Variants in C4orf54 observed in about 807,000 individuals in gnomAD.
C4orf54 encodes uncharacterized protein C4orf54.
In C4orf54, 67 loss-of-function variants were observed where a neutral mutation model predicts 80.1. The observed-to-expected ratio is 0.84, with a 90% CI of 0.69 to 1.03. The LOEUF is 1.03. Among genes scored for constraint, C4orf54 ranks in the 50% least tolerant of loss-of-function variants. The probability of loss-of-function intolerance (pLI) is 0.00; values close to 1 mark genes in which losing one functional copy is unlikely to be tolerated. For synonymous variants in C4orf54, 1,000 were observed against 917.0 expected, an observed-to-expected ratio of 1.09 and a Z score of -1.64; for missense variants, 2,434 against 2,253.5, an observed-to-expected ratio of 1.08 and a Z score of -1.62.
At chr4:99,656,572 C>G (rs1726984189) in intron 1 of C4orf54, among the ~76,000 whole-genome samples, 1 of 152,190 alleles carries the variant, frequency 6.6e-6, no homozygotes. Flanking sequence ...AGCCACAATG[C>G]CCAGCTCTTA....
chr4:99,649,712 AC>A lies in C4orf54; in HGVS notation c.4936del (p.Val1646CysfsTer3). On this transcript the variant is annotated frameshift_variant, in exon 2 of 3. Transcript: ENST00000511828. LOFTEE classifies it low-confidence loss of function (END_TRUNC). ...FDPETGQYVD[V>X]PMTSQQQAVA... ...AGCCTGCTGCTGGGAGGTCATGGGC[AC>A]ATCCACATACTGCCCTGTCTCAGGG... 6.5e-7 allele frequency: 1 copy of A among 1,536,166 alleles called. No individual in the cohort carries two copies. The highest frequency in any genetic ancestry group is 2.4e-5 in the East Asian group (1 of 40,918).
At position 99,650,625 on chromosome 4, in the gene C4orf54, G is replaced by A. The variant is rs996014647; in HGVS notation, c.4024C>T (p.Arg1342Trp). The change falls in exon 2 of 3, where the codon CGG (arginine) becomes TGG (tryptophan). Residue 1342 changes from arginine to tryptophan, a missense_variant. Coordinates refer to ENST00000511828, the MANE Select transcript of C4orf54 (RefSeq NM_001354435.2). ...TCAGCGCTGGGGTTGGAGTTTCTCC[G>A]CTGCAGACGTTCTATGGGGGCCCCT... ...LRGAPIERLQ[R>W]RNSNPSAESV... The A allele has an allele frequency of 2.0e-6, 3 of 1,536,028 alleles. No homozygotes were observed. The highest frequency in any genetic ancestry group is 2.6e-6 in the Non-Finnish European group (3 of 1,146,902).
chr4:99,643,792 A>ACACCC (rs61130907), intron 2 of C4orf54, among the ~76,000 whole-genome samples: 7 of 98,904 alleles, frequency 7.1e-5, no homozygotes, highest in South Asian at 7.0e-4. Flanking sequence ...ACACACACAC[A>ACACCC]CCCCCTCCGC....
At chr4:99,656,443 C>T (rs1726980719) in intron 1 of C4orf54, among the ~76,000 whole-genome samples, 2 of 152,040 alleles carry the variant, frequency 1.3e-5, no homozygotes, top group South Asian at 4.1e-4. Flanking sequence ...CCACGCCCAG[C>T]TAATTTTTGT....
Position 99,656,372 on chromosome 4 carries a change from C to T in C4orf54, c.-32+1123G>A, listed in dbSNP as rs190578356. 6.6e-5 allele frequency among the ~76,000 whole-genome samples: 10 copies of T among 151,634 alleles called. No homozygotes were observed. In the East Asian group the frequency reaches 7.8e-4, roughly 12 times the overall value. ...TTGCCTCAATGCAACCTCTGCCTCT[C>T]GGGTTCAAGCAATTCTCGTACCTCA... On this transcript the variant is annotated intron_variant, in intron 1 of 2. Transcript: ENST00000511828.
chr4:99,645,339 T>C (rs955214372), intron 2 of C4orf54, among the ~76,000 whole-genome samples: 3 of 87,310 alleles, frequency 3.4e-5, no homozygotes, highest in African/African-American at 1.4e-4. Flanking sequence ...AGGGACTAAA[T>C]AGAAAAGAAA....
Position 99,652,555 on chromosome 4 carries a change from G to T in C4orf54, c.2094C>A (p.Ala698=). 2 of 1,536,042 alleles carry T rather than the reference G, an allele frequency of 1.3e-6. No individual in the cohort carries two copies. Among genetic ancestry groups the T allele is most frequent in the South Asian group, 2.4e-5 (2 of 84,058 alleles). ...TGTAGAGCTGGTCGGCAGTGGCCCG[G>T]GCCCCACTGCCCTTCCTCAGACCTG... The part of the protein sequence containing the change: ...VAAGLRKGSG[A]RATADQLYIQ... The change falls in exon 2 of 3, where the codon GCC becomes GCA. Residue 698 remains alanine, a synonymous_variant. Coordinates refer to ENST00000511828, the MANE Select transcript of C4orf54 (RefSeq NM_001354435.2).
Position 99,651,308 on chromosome 4 carries a change from C to A in C4orf54, c.3341G>T (p.Gly1114Val). 1 of 1,536,136 alleles carries A rather than the reference C, an allele frequency of 6.5e-7. No homozygotes were observed. Among genetic ancestry groups the A allele is most frequent in the Non-Finnish European group, 8.7e-7 (1 of 1,146,920 alleles). ...GCCCTTGTCACTACTATCCCCTGAC[C>A]CTTTAATTAGTTTCCTGACATCTCT... Reference protein sequence around the residue: ...QVRDVRKLIKGSGDSSDKGSV... With the variant: ...QVRDVRKLIKVSGDSSDKGSV... Residue 1114 changes from glycine (G) to valine (V), a missense_variant, in exon 2 of 3, where the codon GGG (glycine) becomes GTG (valine). Physicochemically the swap from Gly to Val is moderately radical, Grantham distance 109 (BLOSUM62 -3). Coordinates refer to ENST00000511828, the MANE Select transcript of C4orf54 (RefSeq NM_001354435.2).
At position 99,650,031 on chromosome 4, in the gene C4orf54, G is replaced by A. The variant is rs1172885644; in HGVS notation, c.4618C>T (p.Arg1540Trp). 36 of 1,535,242 alleles carry A rather than the reference G, an allele frequency of 2.3e-5. No individual in the cohort carries two copies. In the South Asian group the frequency reaches 2.4e-4, roughly 10 times the overall value. ...PAWRTKPDNP[R>W]ETVAAPPGPQ... ...CCTGGGGGGGCAGCTACTGTCTCCC[G>A]GGGGTTGTCAGGTTTGGTACGCCAA... The change falls in exon 2 of 3, where the codon CGG becomes TGG. Residue 1540 changes from arginine to tryptophan, a missense_variant. Transcript: ENST00000511828.
At position 99,651,011 on chromosome 4, in the gene C4orf54, T is replaced by A. The variant is rs1434440587; in HGVS notation, c.3638A>T (p.Gln1213Leu). The A allele has an allele frequency of 3.9e-6, 6 of 1,536,128 alleles. No homozygotes were observed. Among genetic ancestry groups the A allele is most frequent in the Non-Finnish European group, 5.2e-6 (6 of 1,146,912 alleles). The change falls in exon 2 of 3, where the codon CAG becomes CTG. Residue 1213 changes from glutamine (Q) to leucine (L), a missense_variant. Coordinates refer to ENST00000511828, the MANE Select transcript of C4orf54 (RefSeq NM_001354435.2). Reference protein sequence around the residue: ...VATIAPNKPEQGSYLPVLKIV... With the variant: ...VATIAPNKPELGSYLPVLKIV... ...CTTGAGCACAGGCAGGTATGAGCCC[T>A]GCTCGGGCTTATTGGGGGCAATGGT... is the stretch of plus-strand genomic sequence containing the variant.
Position 99,653,919 on chromosome 4 carries a change from G to A in C4orf54, c.730C>T (p.Gln244Ter), listed in dbSNP as rs1253894143. Residue 244 changes from glutamine to a stop codon, truncating the protein, a stop_gained, in exon 2 of 3, where the codon CAG becomes TAG. Transcript: ENST00000511828. LOFTEE classifies it high-confidence loss of function. ...AGTTGGGAGGAGGCAGGATTGTTCT[G>A]GGGGCTTGGAGTCTTGCTGCTGGGT... ...DEPSSKTPSP[Q>*]NNPASSQLSR... is the part of the protein sequence containing the mutation. 2.6e-6 allele frequency: 4 copies of A among 1,536,234 alleles called. No individual in the cohort carries two copies. The highest frequency in any genetic ancestry group is 1.7e-6 in the Non-Finnish European group (2 of 1,146,874).
Position 99,638,283 on chromosome 4 carries a change from G to A in C4orf54, c.*2950C>T, listed in dbSNP as rs1191462730. The A allele has an allele frequency of 1.3e-5, 2 of 152,106 alleles. No homozygotes were observed. Among genetic ancestry groups the A allele is most frequent in the East Asian group, 1.9e-4 (1 of 5,196 alleles). The allele number at this position is 152,106 out of a possible 1,614,324, so 9.4% of individuals were successfully genotyped here. On this transcript the variant is annotated 3_prime_UTR_variant, in exon 3 of 3. Coordinates refer to ENST00000511828, the MANE Select transcript of C4orf54 (RefSeq NM_001354435.2). The stretch of plus-strand genomic sequence containing the variant: ...TCTGGGCCTTCACTTAATCCTGAGG[G>A]CAACTTCATTGAGTACTTTTTAAAA...
Position 99,638,954 on chromosome 4 carries a change from A to T in C4orf54, c.*2279T>A. ...TGAAGCCTCTTGTATAGAACAAACAAATGAAAAGCTTTTTCTTTCTTTCCT... is the reference window on the plus strand; with the variant it reads ...TGAAGCCTCTTGTATAGAACAAACATATGAAAAGCTTTTTCTTTCTTTCCT... On this transcript the variant is annotated 3_prime_UTR_variant, in exon 3 of 3. Transcript: ENST00000511828. The T allele has an allele frequency of 6.6e-6, 1 of 152,134 alleles. No homozygotes were observed. The highest frequency in any genetic ancestry group is 1.9e-4 in the East Asian group (1 of 5,200). 9.4% of individuals were successfully genotyped at this position (152,134 alleles called of 1,614,324 possible). A position where few individuals can be genotyped will look rare whatever the true frequency, so the allele number is the denominator to read the frequency against.
At position 99,654,299 on chromosome 4, in the gene C4orf54, A is replaced by G; in HGVS notation, c.350T>C (p.Leu117Pro). ...GTCTTGGGTCCGTCTCTGGCCCCGG[A>G]GGGGCTGCAGAGTTGCCCGAAGCAG... ...GTLLRATLQPLRGQRRTQDFP... is the reference protein window; with the variant it reads ...GTLLRATLQPPRGQRRTQDFP... The change falls in exon 2 of 3, where the codon CTC becomes CCC. Residue 117 changes from leucine (L) to proline (P), a missense_variant. Transcript: ENST00000511828. 5 of 1,528,302 alleles carry G rather than the reference A, an allele frequency of 3.3e-6. No individual in the cohort carries two copies. The highest frequency in any genetic ancestry group is 4.4e-6 in the Non-Finnish European group (5 of 1,139,818). The allele number at this position is 1,528,302 out of a possible 1,614,324, so 94.7% of individuals were successfully genotyped here.
chr4:99,649,580 T>C lies in C4orf54; in HGVS notation c.5069A>G (p.Asn1690Ser), dbSNP rs887297020. ...PGFLPTVLPTNALQPTPIARA... is the reference protein window; with the variant it reads ...PGFLPTVLPTSALQPTPIARA... ...AGCAATTGGTGTGGGCTGCAGAGCA[T>C]TGGTGGGCAGCACGGTAGGCAGAAA... The change falls in exon 2 of 3, where the codon AAT (asparagine) becomes AGT (serine). Residue 1690 changes from asparagine (N) to serine (S), a missense_variant. Transcript: ENST00000511828. 10 of 1,535,934 alleles carry C rather than the reference T, an allele frequency of 6.5e-6. No homozygotes were observed. The African/African-American group carries it at 6.8e-5, about 11-fold the overall frequency.
intron 2 of C4orf54, among the ~76,000 whole-genome samples, chr4:99,643,792 A>ACACACACACCC (rs61130907): frequency 4.2e-4 from 42 of 98,900 alleles, no homozygotes; most frequent in Admixed American, 8.1e-4. Context: ...ACACACACAC[A>ACACACACACCC]CCCCCTCCGC....
chr4:99,652,817 C>G lies in C4orf54; in HGVS notation c.1832G>C (p.Ser611Thr). 6.5e-7 allele frequency: 1 copy of G among 1,536,122 alleles called. No individual in the cohort carries two copies. Residue 611 changes from serine (S) to threonine (T), a missense_variant, in exon 2 of 3, where the codon AGT (serine) becomes ACT (threonine). Transcript: ENST00000511828. ...CGCATCGTCCAGTTCGCTCACGGCA[C>G]TGGAGGCTCCGCTGGAGTAGTCCAC... ...ELVDYSSGASSAVSELDDADK... is the reference protein window; with the variant it reads ...ELVDYSSGASTAVSELDDADK...
At chr4:99,645,116 C>T (rs1304994248) in intron 2 of C4orf54, among the ~76,000 whole-genome samples, 1 of 151,890 alleles carries the variant, frequency 6.6e-6, no homozygotes, top group Non-Finnish European at 1.5e-5. Context: ...GGTTTTGAGT[C>T]CCAGTTCTGT....
intron 1 of C4orf54, among the ~76,000 whole-genome samples, chr4:99,657,106 C>T (rs1726990358): frequency 6.6e-6 from 1 of 152,160 alleles, no homozygotes; most frequent in Non-Finnish European, 1.5e-5. Flanking sequence ...TTTCAATGTC[C>T]CATTTAAATT....
Sources: gnomAD v4.1 joint callset for allele counts (sites outside exome capture counted in the v4.1 genomes callset) on GRCh38, gnomAD v4.1.1 for gene constraint, MANE v1.5 for transcripts, NCBI Gene and HGNC (gene_info 2026-07-23, HGNC 2026-07-21) for gene names.